OSBPL9: variants seen among roughly 807,000 people sequenced by gnomAD.
The protein encoded by OSBPL9 is oxysterol binding protein like 9, also known as oxysterol-binding protein-related protein 9.
A neutral mutation model predicts 106.6 loss-of-function variants in OSBPL9; 40 were observed. The ratio of observed to expected loss-of-function variants is 0.38; its 90% CI spans 0.29 to 0.49. The LOEUF (loss-of-function observed/expected upper bound fraction) is 0.49. Among genes scored for constraint, OSBPL9 ranks in the 20% least tolerant of loss-of-function variants. The pLI is 0.97. For missense variants in OSBPL9, 609 were observed against 887.2 expected (o/e 0.69, Z 3.98); for synonymous variants, 269 against 295.4 (o/e 0.91, Z 0.92).
At chr1:51,714,219 A>T in intron 4 of OSBPL9, 140 bp downstream of exon 4, 5 of 572,918 alleles carry the variant, frequency 8.7e-6, no homozygotes, top group Non-Finnish European at 3.0e-6. Context: ...TTTTTCCTTT[A>T]CAGTTATAGT....
intron 1 of OSBPL9, among the ~76,000 whole-genome samples, chr1:51,591,468 A>C (rs776976533): frequency 1.3e-5 from 2 of 152,230 alleles, no homozygotes; most frequent in Non-Finnish European, 2.9e-5. Context: ...GGAGGAGCAC[A>C]TAAAAGTTTT....
chr1:51,604,308 C>T (rs1439280135), intron 2 of OSBPL9, among the ~76,000 whole-genome samples: 1 of 152,120 alleles, frequency 6.6e-6, no homozygotes, highest in African/African-American at 2.4e-5. Flanking sequence ...GTAATCCCAG[C>T]ACTTTGGGAG....
intron 1 of OSBPL9, among the ~76,000 whole-genome samples, chr1:51,633,727 T>C (rs1272720845): frequency 2.0e-5 from 3 of 152,036 alleles, no homozygotes; most frequent in African/African-American, 7.2e-5. Context: ...GCTCAAGCAG[T>C]CTTCTTACTT....
intron 5 of OSBPL9, among the ~76,000 whole-genome samples, chr1:51,746,243 A>G (rs1667953442): frequency 1.3e-5 from 2 of 152,168 alleles, no homozygotes; most frequent in African/African-American, 4.8e-5. Context: ...TGCCCTGCCT[A>G]GTGGCTCAAT....
intron 12 of OSBPL9, among the ~76,000 whole-genome samples, chr1:51,770,091 C>T (rs1242107686): frequency 6.6e-6 from 1 of 151,988 alleles, no homozygotes; most frequent in Non-Finnish European, 1.5e-5. Flanking sequence ...CCACCTCAGC[C>T]GCCCCAGTAG....
At chr1:51,526,233 A>T in the OSBPL9 span, among the ~76,000 whole-genome samples, 1 of 152,154 alleles carries the variant, frequency 6.6e-6, no homozygotes, top group Non-Finnish European at 1.5e-5. Flanking sequence ...TTAAAACCCT[A>T]CAGGGACTTC....
At chr1:51,629,839 C>T (rs940922167) in intron 1 of OSBPL9, among the ~76,000 whole-genome samples, 2 of 151,926 alleles carry the variant, frequency 1.3e-5, no homozygotes, top group African/African-American at 4.8e-5. Context: ...GTCCCAGCTA[C>T]TTGGGAGGCT....
chr1:51,617,017 AC>A, upstream of OSBPL9: 2 of 1,405,530 alleles, frequency 1.4e-6, no homozygotes, highest in Non-Finnish European at 1.9e-6. Flanking sequence ...CCCGCCCAGG[AC>A]CCGCCCCGCC....
the OSBPL9 span, among the ~76,000 whole-genome samples, chr1:51,524,423 C>T: frequency 2.0e-5 from 3 of 152,104 alleles, no homozygotes; most frequent in South Asian, 2.1e-4. Context: ...TACCAAGCCA[C>T]GGTTTCCTCT....
chr1:51,768,345 C>T (rs1243499009), intron 12 of OSBPL9, among the ~76,000 whole-genome samples: 1 of 150,702 alleles, frequency 6.6e-6, no homozygotes, highest in Non-Finnish European at 1.5e-5. Context: ...TCCTGAATAG[C>T]TGGGATTACA....
the OSBPL9 span, among the ~76,000 whole-genome samples, chr1:51,527,301 C>T: frequency 6.6e-6 from 1 of 151,864 alleles, no homozygotes; most frequent in African/African-American, 2.4e-5. Context: ...AGTAAGTGCT[C>T]AGCAAATGGG....
intron 1 of OSBPL9, among the ~76,000 whole-genome samples, chr1:51,647,966 G>T (rs1646274349): frequency 6.6e-6 from 1 of 152,078 alleles, no homozygotes; most frequent in South Asian, 2.1e-4. Context: ...CACTTCATGG[G>T]GGTAATCCTG....
the OSBPL9 span, among the ~76,000 whole-genome samples, chr1:51,520,860 C>T: frequency 6.6e-6 from 1 of 152,266 alleles, no homozygotes; most frequent in African/African-American, 2.4e-5. Context: ...TGAGTAACCA[C>T]TTATTCAAGA....
chr1:51,750,003 C>A, intron 7 of OSBPL9, 142 bp from the exon 8 acceptor site: 1 of 453,706 alleles, frequency 2.2e-6, no homozygotes, highest in Non-Finnish European at 3.8e-6. Flanking sequence ...ATACTAGAAC[C>A]CACTAGATCC....
chr1:51,602,420 T>A (rs1236400810), intron 2 of OSBPL9, among the ~76,000 whole-genome samples: 3 of 85,194 alleles, frequency 3.5e-5, no homozygotes, highest in Admixed American at 3.2e-4. Flanking sequence ...TTTTTTTTAA[T>A]TTTTTTTTTT....
intron 4 of OSBPL9, among the ~76,000 whole-genome samples, chr1:51,723,209 G>T (rs2148916971): frequency 6.6e-6 from 1 of 152,254 alleles, no homozygotes; most frequent in Non-Finnish European, 1.5e-5. Context: ...TTGTGTATGG[G>T]TTTGGTCGAT....
intron 4 of OSBPL9, among the ~76,000 whole-genome samples, chr1:51,719,993 A>G (rs1661776176): frequency 1.3e-5 from 2 of 152,194 alleles, no homozygotes; most frequent in Non-Finnish European, 2.9e-5. Context: ...TCTCTGTTCT[A>G]ACTACTGGGA....
chr1:51,608,170 T>C (rs1473847375), intron 2 of OSBPL9, among the ~76,000 whole-genome samples: 1 of 152,230 alleles, frequency 6.6e-6, no homozygotes, highest in Non-Finnish European at 1.5e-5. Flanking sequence ...GTGTGCATGC[T>C]TGAGCCCACT....
At chr1:51,530,816 G>A in the OSBPL9 span, among the ~76,000 whole-genome samples, 1 of 151,816 alleles carries the variant, frequency 6.6e-6, no homozygotes, top group Admixed American at 6.6e-5. Context: ...ATTAAAGGGT[G>A]AAACCCTGCC....
Sources: gnomAD v4.1 joint callset for allele counts (sites outside exome capture counted in the v4.1 genomes callset) on GRCh38, gnomAD v4.1.1 for gene constraint, MANE v1.5 for transcripts, NCBI Gene and HGNC (gene_info 2026-07-23, HGNC 2026-07-21) for gene names.